KIAA0319L: variants seen among roughly 807,000 people sequenced by gnomAD.
KIAA0319L encodes the protein KIAA0319 like, also known as dyslexia-associated protein KIAA0319-like protein.
A neutral mutation model predicts 120.1 loss-of-function variants in KIAA0319L; 55 were observed. That is an observed-to-expected ratio of 0.46 (90% CI 0.37 to 0.57). KIAA0319L has a LOEUF of 0.57. Ranked by LOEUF, KIAA0319L falls within the 20% of genes least tolerant of loss-of-function variation. The pLI is 0.00. For synonymous variants in KIAA0319L, 398 were observed against 471.9 expected, an observed-to-expected ratio of 0.84 and a Z score of 2.03; for missense variants, 1,049 against 1,255.3, an observed-to-expected ratio of 0.84 and a Z score of 2.48.
rs757733842 is a variant in KIAA0319L at position 35,554,365 on chromosome 1, G to C, written c.127C>G (p.Leu43Val). ...AAAATAGTACCTGTTGACAACCACA[G>C]AACGCTGAAGCAAAAGCAAGTATAA... is the stretch of plus-strand genomic sequence containing the variant. ...LFYTCFCFSVLWLSTDASESR... is the reference protein window; with the variant it reads ...LFYTCFCFSVVWLSTDASESR... The change falls in exon 2 of 21, where the codon CTG becomes GTG. Residue 43 changes from leucine (L) to valine (V), a missense_variant. Physicochemically the swap from Leu to Val is conservative, Grantham distance 32 (BLOSUM62 1). Coordinates refer to ENST00000325722, the MANE Select transcript of KIAA0319L (RefSeq NM_024874.5). 6.3e-7 allele frequency: 1 copy of C among 1,598,174 alleles called. No individual in the cohort carries two copies. Among genetic ancestry groups the C allele is most frequent in the Non-Finnish European group, 8.5e-7 (1 of 1,174,684 alleles).
intron 2 of KIAA0319L, among the ~76,000 whole-genome samples, chr1:35,516,840 A>T (rs1356704085): frequency 6.6e-6 from 1 of 152,214 alleles, no homozygotes; most frequent in Non-Finnish European, 1.5e-5. Context: ...TTCAACTGAT[A>T]AACAACTTCA....
In KIAA0319L at chr1:35,456,051, G is replaced by A. The variant is rs1361197184; in HGVS notation, c.1618C>T (p.Leu540Phe). The A allele has an allele frequency of 6.2e-7, 1 of 1,613,822 alleles. No homozygotes were observed. The highest frequency in any genetic ancestry group is 1.7e-5 in the Admixed American group (1 of 59,988). Residue 540 changes from leucine to phenylalanine, a missense_variant, in exon 10 of 21, where the codon CTC becomes TTC. By Grantham distance (22) the Leu-to-Phe change is conservative. Coordinates refer to ENST00000325722, the MANE Select transcript of KIAA0319L (RefSeq NM_024874.5). ...ACTTTCCCTTTGCTGCTTGGGCTGA[G>A]TGACCACTCATAGCTGGTGATGCCA... ...DHGITSYEWS[L>F]SPSSKGKVVE...
rs1642205441 is a variant in KIAA0319L at position 35,453,448 on chromosome 1, C to G, written c.1913+109G>C. 1 of 909,916 alleles carries G rather than the reference C, an allele frequency of 1.1e-6. No individual in the cohort carries two copies. The highest frequency in any genetic ancestry group is 2.5e-5 in the East Asian group (1 of 39,722). 56.4% of individuals were successfully genotyped at this position (909,916 alleles called of 1,614,324 possible). A position where few individuals can be genotyped will look rare whatever the true frequency, so the allele number is the denominator to read the frequency against. ...TTGCAAACATTTCTTCCTCAGTCAC[C>G]CCACTGGATAAGCCAATAAGAGCAA... On this transcript the variant is annotated intron_variant, in intron 12 of 20. Transcript: ENST00000325722. The surrounding 1 kb of genome is among the most constrained non-coding windows in gnomAD (Gnocchi z 4.1).
chr1:35,529,596 G>T (rs1646283632), intron 2 of KIAA0319L, among the ~76,000 whole-genome samples: 1 of 152,146 alleles, frequency 6.6e-6, no homozygotes, highest in African/African-American at 2.4e-5. Flanking sequence ...TTAACTGGCA[G>T]GTTTGTTTTT....
At chr1:35,465,858 G>T (rs1643224712) in intron 7 of KIAA0319L, among the ~76,000 whole-genome samples, 1 of 152,122 alleles carries the variant, frequency 6.6e-6, no homozygotes. Context: ...TTTAAAAATG[G>T]GAGTTTCCTT....
At chr1:35,436,494 C>A (rs757404006) in intron 20 of KIAA0319L, among the ~76,000 whole-genome samples, 2 of 152,172 alleles carry the variant, frequency 1.3e-5, no homozygotes, top group Non-Finnish European at 2.9e-5. Context: ...AGGGCCCTGG[C>A]AAGGGCCCAG....
rs1309961289 is a variant in KIAA0319L, at chr1:35,462,709, G to C, written c.1206C>G (p.Pro402=). ...GYVNVTVKPE[P]RKNRPPIAIV... is the part of the protein sequence containing the mutation. ...TAGCAATGGGGGGCCGATTCTTACG[G>C]GGCTCTGCAAGAAAGTGACCCAAAA... Residue 402 remains proline, a synonymous_variant, in exon 8 of 21, where the codon CCC becomes CCG. Coordinates refer to ENST00000325722, the MANE Select transcript of KIAA0319L (RefSeq NM_024874.5). The C allele has an allele frequency of 6.2e-7, 1 of 1,613,760 alleles. No individual in the cohort carries two copies. The highest frequency in any genetic ancestry group is 1.1e-5 in the South Asian group (1 of 91,064).
At chr1:35,521,117 G>A (rs1338321070) in intron 2 of KIAA0319L, among the ~76,000 whole-genome samples, 1 of 152,092 alleles carries the variant, frequency 6.6e-6, no homozygotes, top group Admixed American at 6.5e-5. Flanking sequence ...GAGGCGGGTG[G>A]ATCATTTGAG....
intron 2 of KIAA0319L, among the ~76,000 whole-genome samples, chr1:35,548,634 G>A (rs998064901): frequency 1.3e-5 from 2 of 151,734 alleles, no homozygotes. Context: ...ATATACAGGG[G>A]TACATTCTCA....
At chr1:35,476,780 A>G (rs917698806) in intron 4 of KIAA0319L, among the ~76,000 whole-genome samples, 9 of 152,216 alleles carry the variant, frequency 5.9e-5, no homozygotes, top group Non-Finnish European at 1.2e-4. Context: ...ATGTTCTATT[A>G]CTACCAAAGG....
chr1:35,526,608 T>C (rs1052636386), intron 2 of KIAA0319L, among the ~76,000 whole-genome samples: 9 of 151,746 alleles, frequency 5.9e-5, no homozygotes, highest in Non-Finnish European at 1.2e-4. Flanking sequence ...ATCACCCTTG[T>C]CTAATTTTTA....
intron 2 of KIAA0319L, among the ~76,000 whole-genome samples, chr1:35,544,848 T>C (rs930349522): frequency 6.6e-6 from 1 of 152,112 alleles, no homozygotes; most frequent in South Asian, 2.1e-4. Context: ...CTGTTTTTAG[T>C]CAGGAGATAA....
At position 35,434,446 on chromosome 1, in the gene KIAA0319L, T is replaced by C. The variant is rs781560762; in HGVS notation, c.*448A>G. On this transcript the variant is annotated 3_prime_UTR_variant, in exon 21 of 21. Transcript: ENST00000325722. ...GAGGGGAGGGGTGCCACTTCCTCTTTGCCCAGCGAGAGGGCGTACTCTACC... is the reference window on the plus strand; with the variant it reads ...GAGGGGAGGGGTGCCACTTCCTCTTCGCCCAGCGAGAGGGCGTACTCTACC... The C allele has an allele frequency of 1.3e-5, 2 of 155,406 alleles. No individual in the cohort carries two copies. The highest frequency in any genetic ancestry group is 2.8e-5 in the Non-Finnish European group (2 of 70,542). 9.6% of individuals were successfully genotyped at this position (155,406 alleles called of 1,614,324 possible).
chr1:35,533,854 G>A (rs1646466217), intron 2 of KIAA0319L, among the ~76,000 whole-genome samples: 1 of 152,152 alleles, frequency 6.6e-6, no homozygotes, highest in African/African-American at 2.4e-5. Context: ...CCTTTTGACT[G>A]TCAGCATGTC....
intron 2 of KIAA0319L, among the ~76,000 whole-genome samples, chr1:35,511,636 T>C (rs1489086481): frequency 3.3e-5 from 5 of 152,138 alleles, no homozygotes; most frequent in African/African-American, 9.7e-5. Flanking sequence ...GTGGTAAACA[T>C]GCAAAAGTAG....
chr1:35,498,445 A>G (rs1644891361), intron 3 of KIAA0319L, among the ~76,000 whole-genome samples: 1 of 152,214 alleles, frequency 6.6e-6, no homozygotes, highest in Non-Finnish European at 1.5e-5. Context: ...TAGAAATAAT[A>G]AAAACTAAAC....
chr1:35,434,787 C>T lies in KIAA0319L; in HGVS notation c.*107G>A. 5.1e-6 allele frequency: 5 copies of T among 981,898 alleles called. No homozygotes were observed. The highest frequency in any genetic ancestry group is 4.5e-6 in the Non-Finnish European group (3 of 668,088). The allele number at this position is 981,898 out of a possible 1,614,324, so 60.8% of individuals were successfully genotyped here. On this transcript the variant is annotated 3_prime_UTR_variant, in exon 21 of 21. Transcript: ENST00000325722. ...GGGGTTCTGGTTGGGACTGTCAGGG[C>T]GAAATGACCAGCAGATGCTGGGACA...
intron 2 of KIAA0319L, among the ~76,000 whole-genome samples, chr1:35,525,519 T>C (rs1646091763): frequency 6.6e-6 from 1 of 152,212 alleles, no homozygotes; most frequent in Non-Finnish European, 1.5e-5. Context: ...CTGTTCTTTT[T>C]TGCCTTTTTG....
intron 3 of KIAA0319L, among the ~76,000 whole-genome samples, chr1:35,494,594 A>AGGG (rs1644727081): frequency 1.3e-5 from 2 of 152,010 alleles, no homozygotes; most frequent in Non-Finnish European, 2.9e-5. Flanking sequence ...CAGGAGTTTG[A>AGGG]GACCAGCCTG....
Sources: allele counts gnomAD v4.1 joint callset (sites outside exome capture counted in the v4.1 genomes callset), GRCh38; gene constraint gnomAD v4.1.1; non-coding constraint Gnocchi (gnomAD v3.1); transcripts MANE v1.5; gene names NCBI Gene and HGNC (gene_info 2026-07-23, HGNC 2026-07-21).